The following COL1A2 variants were observed in gnomAD, a reference collection of about 807,000 sequenced individuals.
COL1A2 encodes collagen type I alpha 2 chain, also known as collagen alpha-2(I) chain.
COL1A2 carries 49 observed loss-of-function variants against 174.3 expected under a neutral mutation model. The observed-to-expected ratio is 0.28, with a 90% confidence interval of 0.22 to 0.36. COL1A2 has a LOEUF of 0.36. Among genes scored for constraint, COL1A2 ranks in the 10% least tolerant of loss-of-function variants. COL1A2 has a pLI of 1.00. For synonymous variants in COL1A2, 655 were observed against 606.6 expected (o/e 1.08, Z -1.17); for missense variants, 1,438 against 1,822.7 (o/e 0.79, Z 3.84).
chr7:94,429,475 G>T, intron 51 of COL1A2, 45 bp downstream of exon 51: 1 of 1,610,092 alleles, frequency 6.2e-7, no homozygotes. Context: ...AAGTGGGATG[G>T]AGGGGGTTCT....
At chr7:94,407,219 A>C (rs188737599) in intron 12 of COL1A2, among the ~76,000 whole-genome samples, 1 of 152,342 alleles carries the variant, frequency 6.6e-6, no homozygotes, top group African/African-American at 2.4e-5. Flanking sequence ...CCCAAAGAAT[A>C]GACTTCACAT....
chr7:94,410,312 T>C lies in COL1A2; in HGVS notation c.1089+17T>C. On this transcript the variant is annotated intron_variant, in intron 20 of 51. Transcript: ENST00000297268. ...GGTGAGCCCGTAAGTAGCTCTATCA[T>C]CACACTTTTATAAAGTTAATTGTTT... 1 of 1,613,806 alleles carries C rather than the reference T, an allele frequency of 6.2e-7. No individual in the cohort carries two copies. The highest frequency in any genetic ancestry group is 8.5e-7 in the Non-Finnish European group (1 of 1,179,870).
At chr7:94,404,137 A>C (rs1352029142) in intron 6 of COL1A2, among the ~76,000 whole-genome samples, 1 of 152,226 alleles carries the variant, frequency 6.6e-6, no homozygotes, top group Non-Finnish European at 1.5e-5. Context: ...TGTGGCAATA[A>C]AAATACCAAT....
At chr7:94,419,416 A>C (rs1489658060) in intron 33 of COL1A2, 82 bp from the exon 34 acceptor site, 1 of 1,487,186 alleles carries the variant, frequency 6.7e-7, no homozygotes, top group Non-Finnish European at 9.4e-7. Context: ...TCACTGTATA[A>C]GCACAGAAAA....
chr7:94,414,486 T>G (rs1376856879), intron 29 of COL1A2, among the ~76,000 whole-genome samples: 1 of 152,220 alleles, frequency 6.6e-6, no homozygotes, highest in African/African-American at 2.4e-5. Flanking sequence ...TAATGAAACA[T>G]CACCTTATGA....
At position 94,411,165 on chromosome 7, in the gene COL1A2, A is replaced by T. The variant is rs193922160; in HGVS notation, c.1350+11A>T. Reference sequence around the variant, plus strand: ...CTCATGGGACCCAGAGTAAGTTTCAAACTGATTCTGAGCAAATCACACCTG... The same window carrying T: ...CTCATGGGACCCAGAGTAAGTTTCATACTGATTCTGAGCAAATCACACCTG... On this transcript the variant is annotated intron_variant, in intron 23 of 51. Coordinates refer to ENST00000297268, the MANE Select transcript of COL1A2 (RefSeq NM_000089.4). 4.9e-4 allele frequency: 768 copies of T among 1,559,710 alleles called. 7 individuals are homozygous for T. Among genetic ancestry groups the T allele is most frequent in the African/African-American group, 4.6e-3 (339 of 73,632 alleles).
At chr7:94,420,158 T>C (rs959228722) in intron 34 of COL1A2, 75 bp from the exon 35 acceptor site, 4 of 1,591,332 alleles carry the variant, frequency 2.5e-6, no homozygotes, top group Admixed American at 1.7e-5. Context: ...TGTCCACCAC[T>C]GTTCTCTCTC....
At chr7:94,404,645 G>A in intron 7 of COL1A2, 45 bp downstream of exon 7, 1 of 1,614,068 alleles carries the variant, frequency 6.2e-7, no homozygotes, top group African/African-American at 1.3e-5. Flanking sequence ...AAAAGACAGA[G>A]AATTAAGAAA....
intron 23 of COL1A2, among the ~76,000 whole-genome samples, chr7:94,411,609 C>A (rs1285907966): frequency 6.6e-6 from 1 of 152,174 alleles, no homozygotes; most frequent in Non-Finnish European, 1.5e-5. Context: ...GGTCCATAGA[C>A]ACACTAATCC....
In COL1A2 at chr7:94,430,571, T is replaced by C; in HGVS notation, c.*178T>C. 3.0e-6 allele frequency: 2 copies of C among 674,966 alleles called. No homozygotes were observed. The highest frequency in any genetic ancestry group is 4.9e-6 in the Non-Finnish European group (2 of 410,604). The allele number at this position is 674,966 out of a possible 1,614,324, so 41.8% of individuals were successfully genotyped here. A position where few individuals can be genotyped will look rare whatever the true frequency, so the allele number is the denominator to read the frequency against. ...GATCAGAGCATTGTGCAATACAGTTTCATTAACTCCTTCCCCCGCTCCCCC... is the reference window on the plus strand; with the variant it reads ...GATCAGAGCATTGTGCAATACAGTTCCATTAACTCCTTCCCCCGCTCCCCC... On this transcript the variant is annotated 3_prime_UTR_variant, in exon 52 of 52. Coordinates refer to ENST00000297268, the MANE Select transcript of COL1A2 (RefSeq NM_000089.4).
chr7:94,419,358 A>G, intron 33 of COL1A2, 140 bp from the exon 34 acceptor site: 1 of 941,968 alleles, frequency 1.1e-6, no homozygotes, highest in Non-Finnish European at 1.7e-6. Context: ...ACCAAAATAC[A>G]TCAGAGGCCT....
chr7:94,420,599 A>G lies in COL1A2; in HGVS notation c.2246A>G (p.Glu749Gly). 6.2e-7 allele frequency: 1 copy of G among 1,612,674 alleles called. No individual in the cohort carries two copies. The highest frequency in any genetic ancestry group is 2.2e-5 in the East Asian group (1 of 44,822). The change falls in exon 37 of 52, where the codon GAA (glutamate) becomes GGA (glycine). Residue 749 changes from glutamate (E) to glycine (G), a missense_variant. This residue lies in a region of COL1A2 where 867 missense variants were observed against 1,213.7 expected (regional missense o/e 0.71). Transcript: ENST00000297268. Reference protein sequence around the residue: ...GERGAKGPKGENGVVGPTGPV... With the variant: ...GERGAKGPKGGNGVVGPTGPV... ...AGAGGAGCCAAAGGGCCTAAGGGTG[A>G]AAACGGTGTTGTTGGTCCCACAGGC... is the stretch of plus-strand genomic sequence containing the variant.
At chr7:94,417,376 GC>G (rs1158962260) in intron 31 of COL1A2, 1 of 338,922 alleles carries the variant, frequency 3.0e-6, no homozygotes, top group East Asian at 7.4e-5. Context: ...TTCTATCTGG[GC>G]TAAGAGACTT....
rs1423065967 is a variant in COL1A2 at position 94,408,359 on chromosome 7, T to C, written c.717T>C (p.Ser239=). The change falls in exon 15 of 52, where the codon AGT becomes AGC. Residue 239 remains serine, a synonymous_variant. Coordinates refer to ENST00000297268, the MANE Select transcript of COL1A2 (RefSeq NM_000089.4). Reference sequence around the variant, plus strand: ...AGGGTGCCCGTGGCAGTGATGGAAGTGTGGGTCCCGTGGGTCCTGCTGTAA... The same window carrying C: ...AGGGTGCCCGTGGCAGTGATGGAAGCGTGGGTCCCGTGGGTCCTGCTGTAA... ...GPAGARGSDG[S]VGPVGPAGPI... The C allele has an allele frequency of 1.2e-6, 2 of 1,614,114 alleles. No homozygotes were observed. Among genetic ancestry groups the C allele is most frequent in the Non-Finnish European group, 1.7e-6 (2 of 1,180,020 alleles).
chr7:94,430,188 A>G (rs1008875599), intron 51 of COL1A2, 59 bp from the exon 52 acceptor site: 6 of 1,527,912 alleles, frequency 3.9e-6, no homozygotes, highest in African/African-American at 1.4e-5. Context: ...AAAGGTTCAG[A>G]TATTATCAGA....
intron 28 of COL1A2, 38 bp downstream of exon 28, chr7:94,413,985 C>T: frequency 1.3e-6 from 2 of 1,570,392 alleles, no homozygotes; most frequent in South Asian, 2.2e-5. Flanking sequence ...TGCCTTTGGT[C>T]AGCCTATTGA....
Position 94,397,860 on chromosome 7 carries a change from C to T in COL1A2, c.81+102C>T, listed in dbSNP as rs62464618. The T allele has an allele frequency of 9.8e-3, 6,635 of 678,952 alleles. 58 individuals carry two copies. The highest frequency in any genetic ancestry group is 0.012 in the Non-Finnish European group (4,912 of 395,650). The allele number at this position is 678,952 out of a possible 1,614,324, so 42.1% of individuals were successfully genotyped here. ...AAGAAGTTACATTAATATTGACCATCCTAGATTCCCAAGAAAATTGTGAAG... is the reference window on the plus strand; with the variant it reads ...AAGAAGTTACATTAATATTGACCATTCTAGATTCCCAAGAAAATTGTGAAG... On this transcript the variant is annotated intron_variant, in intron 2 of 51. Coordinates refer to ENST00000297268, the MANE Select transcript of COL1A2 (RefSeq NM_000089.4).
intron 49 of COL1A2, 76 bp from the exon 50 acceptor site, chr7:94,428,217 C>G (rs1203881089): frequency 2.4e-6 from 3 of 1,232,118 alleles, no homozygotes; most frequent in Non-Finnish European, 2.4e-6. Context: ...GAGTCAGTAT[C>G]TTTCATTAGT....
At position 94,404,582 on chromosome 7, in the gene COL1A2, T is replaced by C. The variant is rs1255567659; in HGVS notation, c.306T>C (p.Pro102=). 2.5e-6 allele frequency: 4 copies of C among 1,613,838 alleles called. No individual in the cohort carries two copies. The highest frequency in any genetic ancestry group is 3.3e-5 in the Admixed American group (2 of 60,028). ...PMGLMGPRGP[P]GAAGAPGPQG... The stretch of plus-strand genomic sequence containing the variant: ...GCTTAATGGGACCTAGAGGCCCACC[T>C]GGTGCAGCTGGAGCCCCAGTAAGTA... Residue 102 remains proline (P), a synonymous_variant, in exon 7 of 52, where the codon CCT becomes CCC. Transcript: ENST00000297268.
Sources: allele counts gnomAD v4.1 joint callset (sites outside exome capture counted in the v4.1 genomes callset), GRCh38; gene constraint gnomAD v4.1.1; regional missense constraint gnomAD v4.1.1; transcripts MANE v1.5; gene names NCBI Gene and HGNC (gene_info 2026-07-23, HGNC 2026-07-21).